The following BLTP1 variants were observed in gnomAD, a reference collection of about 807,000 sequenced individuals.
BLTP1 encodes fragile site-associated protein.
chr4:122,348,401 T>A, the BLTP1 span: 2 of 206,874 alleles, frequency 9.7e-6, no homozygotes, highest in Admixed American at 1.3e-4. Context: ...ATTTAGTAAG[T>A]GGTAACTATT....
the BLTP1 span, chr4:122,339,497 A>G: frequency 4.5e-6 from 4 of 898,622 alleles, no homozygotes; most frequent in Non-Finnish European, 6.1e-6. Context: ...CATATTTTAA[A>G]ATATATTTGG....
chr4:122,227,028 C>T, the BLTP1 span: 1 of 543,414 alleles, frequency 1.8e-6, no homozygotes, highest in Non-Finnish European at 2.7e-6. Context: ...ATTATTAAAA[C>T]ATACAAATTA....
At chr4:122,339,872 G>C in the BLTP1 span, among the ~76,000 whole-genome samples, 4 of 152,112 alleles carry the variant, frequency 2.6e-5, no homozygotes, top group Non-Finnish European at 5.9e-5. Context: ...ATTTTTAAAT[G>C]GCAAATTTGG....
chr4:122,281,823 A>G, the BLTP1 span: 1 of 1,429,186 alleles, frequency 7.0e-7, no homozygotes, highest in South Asian at 1.7e-5. Context: ...GATTTGTTTG[A>G]GAAATTAGTA....
chr4:122,230,178 A>G, the BLTP1 span: 14 of 1,613,932 alleles, frequency 8.7e-6, no homozygotes, highest in African/African-American at 1.9e-4. Context: ...GCACAAAGAC[A>G]TTTCTTAGAA....
chr4:122,206,570 A>G, the BLTP1 span, among the ~76,000 whole-genome samples: 146,536 of 151,906 alleles, frequency 0.96, 70,917 homozygotes, highest in East Asian at 1. Context: ...AAAATATATA[A>G]TACATGATAA....
At chr4:122,262,885 G>A in the BLTP1 span, 1 of 1,614,108 alleles carries the variant, frequency 6.2e-7, no homozygotes, top group Non-Finnish European at 8.5e-7. Context: ...AGCCTACTCA[G>A]CTACCTGACT....
the BLTP1 span, chr4:122,250,599 TAATG>T: frequency 6.3e-7 from 1 of 1,596,850 alleles, no homozygotes; most frequent in Non-Finnish European, 8.6e-7. Context: ...ATAGTAATAA[TAATG>T]GTGCTTTAGA....
chr4:122,182,426 A>G, the BLTP1 span, among the ~76,000 whole-genome samples: 1 of 152,018 alleles, frequency 6.6e-6, no homozygotes, highest in Non-Finnish European at 1.5e-5. Context: ...ATCATCCCCT[A>G]TTACCCCATT....
the BLTP1 span, chr4:122,289,050 G>A: frequency 4.2e-5 from 66 of 1,582,462 alleles, 1 homozygote; most frequent in African/African-American, 8.4e-4. Flanking sequence ...TAAAGCTAAT[G>A]TAATCAGTGT....
chr4:122,176,202 C>G, the BLTP1 span, among the ~76,000 whole-genome samples: 2 of 151,786 alleles, frequency 1.3e-5, no homozygotes, highest in Admixed American at 1.3e-4. Flanking sequence ...ATTCAGGAGG[C>G]TGAGGCAGGA....
chr4:122,305,328 G>C, the BLTP1 span: 4 of 962,368 alleles, frequency 4.2e-6, no homozygotes, highest in Non-Finnish European at 4.9e-6. Flanking sequence ...CTTTCCTGTA[G>C]AATATTAGCA....
chr4:122,169,875 A>G, the BLTP1 span: 1 of 985,268 alleles, frequency 1.0e-6, no homozygotes, highest in Non-Finnish European at 1.2e-6. Flanking sequence ...ATAATGGAGA[A>G]TACATAGAGG....
the BLTP1 span, among the ~76,000 whole-genome samples, chr4:122,320,457 G>T: frequency 2.6e-5 from 4 of 152,126 alleles, no homozygotes; most frequent in South Asian, 2.1e-4. Context: ...AGCCCACTTT[G>T]TTGTTAGGCA....
At chr4:122,211,284 A>G in the BLTP1 span, among the ~76,000 whole-genome samples, 1 of 152,114 alleles carries the variant, frequency 6.6e-6, no homozygotes, top group African/African-American at 2.4e-5. Flanking sequence ...AGTACTCCTC[A>G]GTTCAGCATT....
At chr4:122,282,450 T>C in the BLTP1 span, among the ~76,000 whole-genome samples, 1 of 152,100 alleles carries the variant, frequency 6.6e-6, no homozygotes, top group Non-Finnish European at 1.5e-5. Context: ...AAGACCAGTC[T>C]GGAAAACATA....
chr4:122,229,453 TA>T, the BLTP1 span, among the ~76,000 whole-genome samples: 4 of 152,332 alleles, frequency 2.6e-5, no homozygotes, highest in African/African-American at 7.2e-5. Context: ...TGAGTTATTG[TA>T]ACATTGCTTT....
At chr4:122,242,042 A>G in the BLTP1 span, among the ~76,000 whole-genome samples, 3 of 152,204 alleles carry the variant, frequency 2.0e-5, no homozygotes, top group East Asian at 1.9e-4. Flanking sequence ...GTAAATTAGT[A>G]TAGCCATTAT....
chr4:122,184,834 T>C, the BLTP1 span: 2 of 985,356 alleles, frequency 2.0e-6, no homozygotes, highest in South Asian at 4.7e-5. Context: ...AAACTTAGCC[T>C]TTGTTCAAAC....
Sources: gnomAD v4.1 joint callset for allele counts (sites outside exome capture counted in the v4.1 genomes callset) on GRCh38, gnomAD v4.1.1 for gene constraint, MANE v1.5 for transcripts, NCBI Gene and HGNC (gene_info 2026-07-23, HGNC 2026-07-21) for gene names.